The following WDR31 variants were observed in gnomAD, a reference collection of about 807,000 sequenced individuals.
WDR31 encodes WD repeat-containing protein 31.
In WDR31, 30 loss-of-function variants were observed where a neutral mutation model predicts 47.3. That is an observed-to-expected ratio of 0.63 (90% CI 0.47 to 0.86). The LOEUF is 0.86. WDR31 is among the 40% of genes least tolerant of loss of function. The probability of loss-of-function intolerance (pLI) is 0.00; values close to 1 mark genes in which losing one functional copy is unlikely to be tolerated. For missense variants in WDR31, 406 were observed against 442.9 expected (o/e 0.92, Z 0.75); for synonymous variants, 137 against 159.4 (o/e 0.86, Z 1.06).
At chr9:113,326,497 C>T (rs1176464080) in intron 5 of WDR31, among the ~76,000 whole-genome samples, 2 of 151,604 alleles carry the variant, frequency 1.3e-5, no homozygotes, top group African/African-American at 2.4e-5. Context: ...GACTGGGTCT[C>T]GCTATGTCAC....
chr9:113,323,172 C>A lies in WDR31; in HGVS notation c.325-17G>T, dbSNP rs779761539. The A allele has an allele frequency of 6.8e-6, 11 of 1,609,576 alleles. No homozygotes were observed. In the Admixed American group the frequency reaches 1.5e-4, roughly 22 times the overall value. On this transcript the variant is annotated splice_polypyrimidine_tract_variant and intron_variant, in intron 5 of 10. Transcript: ENST00000374193. ...ACAGGCTACCTGCTCAGGGAAAAAA[C>A]AACAACACTGAAATAGCTCTGGTAT...
At chr9:113,326,380 CTCTT>C (rs150558954) in intron 5 of WDR31, among the ~76,000 whole-genome samples, 4 of 151,786 alleles carry the variant, frequency 2.6e-5, no homozygotes, top group East Asian at 1.9e-4. Flanking sequence ...TTCTTTCTTT[CTCTT>C]TCTTTTCTTT....
At chr9:113,335,605 T>C (rs1338585310) in intron 2 of WDR31, among the ~76,000 whole-genome samples, 1 of 150,848 alleles carries the variant, frequency 6.6e-6, no homozygotes, top group East Asian at 1.9e-4. Flanking sequence ...AAAAATGGAG[T>C]TTTCCAGAAG....
At chr9:113,338,775 C>G (rs956582256) in intron 1 of WDR31, among the ~76,000 whole-genome samples, 1 of 152,066 alleles carries the variant, frequency 6.6e-6, no homozygotes, top group African/African-American at 2.4e-5. Context: ...CCTGCCACCA[C>G]GCCCAGCTAA....
intron 5 of WDR31, among the ~76,000 whole-genome samples, chr9:113,327,419 G>GCACACACACACACA (rs35798479): frequency 6.7e-6 from 1 of 148,842 alleles, no homozygotes; most frequent in Non-Finnish European, 1.5e-5. Context: ...AGTGTTACAT[G>GCACACACACACACA]CACACACACA....
chr9:113,320,514 G>T lies in WDR31; in HGVS notation c.639-16C>A, dbSNP rs1474221125. On this transcript the variant is annotated splice_polypyrimidine_tract_variant and intron_variant, in intron 8 of 10. Coordinates refer to ENST00000374193, the MANE Select transcript of WDR31 (RefSeq NM_001012361.4). Reference sequence around the variant, plus strand: ...GTCCCATAATCTGAAAGAGATTAGGGCAGGAAATTAGCTTGTAGTAAATGT... The same window carrying T: ...GTCCCATAATCTGAAAGAGATTAGGTCAGGAAATTAGCTTGTAGTAAATGT... 2 of 1,610,906 alleles carry T rather than the reference G, an allele frequency of 1.2e-6. No homozygotes were observed. Among genetic ancestry groups the T allele is most frequent in the East Asian group, 2.2e-5 (1 of 44,832 alleles).
intron 1 of WDR31, among the ~76,000 whole-genome samples, chr9:113,338,184 G>A (rs1423672948): frequency 6.6e-6 from 1 of 152,174 alleles, no homozygotes; most frequent in Non-Finnish European, 1.5e-5. Context: ...TGTTAATACT[G>A]TTCATAATGC....
chr9:113,321,574 G>A lies in WDR31; in HGVS notation c.575C>T (p.Thr192Ile). The change falls in exon 8 of 11, where the codon ACT becomes ATT. Residue 192 changes from threonine (T) to isoleucine (I), a missense_variant. Transcript: ENST00000374193. ...ERASVSRNVV[T>I]HLCWVPREPY... ...TTCTCTGGGGACCCAGCACAGGTGA[G>A]TGACCTAGAAAAAGCAAAATGTTCA... 1.2e-6 allele frequency: 2 copies of A among 1,614,112 alleles called. No homozygotes were observed. The highest frequency in any genetic ancestry group is 1.7e-6 in the Non-Finnish European group (2 of 1,179,996).
At chr9:113,336,184 T>C (rs1156235827) in intron 2 of WDR31, 104 bp downstream of exon 2, 2 of 152,230 alleles carry the variant, frequency 1.3e-5, no homozygotes, top group Admixed American at 6.5e-5. Context: ...ATAAATGGAT[T>C]AGCTCTGCTC....
At chr9:113,330,937 T>C (rs1237204805) in intron 4 of WDR31, 47 bp downstream of exon 4, 3 of 1,548,932 alleles carry the variant, frequency 1.9e-6, no homozygotes, top group South Asian at 2.4e-5. Context: ...AATATCTTCC[T>C]TTCCCTGCAA....
rs1833208910 is a variant in WDR31 at position 113,316,674 on chromosome 9, G to T, written c.*75C>A. ...CAGCCCTACATCCCACTCCCCTCAA[G>T]ATAACTGGGAAAGACACAAAGCCAT... On this transcript the variant is annotated 3_prime_UTR_variant, in exon 11 of 11. Coordinates refer to ENST00000374193, the MANE Select transcript of WDR31 (RefSeq NM_001012361.4). The T allele has an allele frequency of 6.5e-7, 1 of 1,531,744 alleles. No homozygotes were observed. The highest frequency in any genetic ancestry group is 8.8e-7 in the Non-Finnish European group (1 of 1,136,652). 94.9% of individuals were successfully genotyped at this position (1,531,744 alleles called of 1,614,324 possible).
intron 1 of WDR31, among the ~76,000 whole-genome samples, chr9:113,336,894 C>A (rs1833725033): frequency 6.6e-6 from 1 of 152,160 alleles, no homozygotes; most frequent in Non-Finnish European, 1.5e-5. Flanking sequence ...GAAAGATCTG[C>A]AGAATAAGGA....
In WDR31 at chr9:113,323,035, C is replaced by T. The variant is rs1833365591; in HGVS notation, c.445G>A (p.Val149Ile). 3 of 1,614,144 alleles carry T rather than the reference C, an allele frequency of 1.9e-6. No homozygotes were observed. The highest frequency in any genetic ancestry group is 1.1e-5 in the South Asian group (1 of 91,076). ...CCTGGACTCACAGCCAATCCGGTGA[C>T]CACCATGGCATGGCCACACAATTGC... is the stretch of plus-strand genomic sequence containing the variant. ...RQQLCGHAMV[V>I]TGLAVSPDSS... Residue 149 changes from valine (V) to isoleucine (I), a missense_variant, in exon 6 of 11, where the codon GTC becomes ATC. Physicochemically the swap from Val to Ile is conservative, Grantham distance 29. Coordinates refer to ENST00000374193, the MANE Select transcript of WDR31 (RefSeq NM_001012361.4).
chr9:113,336,801 T>C (rs1370721379), intron 1 of WDR31, among the ~76,000 whole-genome samples: 1 of 152,222 alleles, frequency 6.6e-6, no homozygotes, highest in Non-Finnish European at 1.5e-5. Context: ...AATCACCATA[T>C]ATAAACCATT....
intron 5 of WDR31, among the ~76,000 whole-genome samples, chr9:113,328,258 T>C (rs1338621488): frequency 6.6e-6 from 1 of 152,228 alleles, no homozygotes; most frequent in Non-Finnish European, 1.5e-5. Context: ...TCTCTATCAG[T>C]CTAGTTCAGA....
chr9:113,317,803 C>T (rs752071360), intron 10 of WDR31, among the ~76,000 whole-genome samples: 1 of 152,216 alleles, frequency 6.6e-6, no homozygotes, highest in Admixed American at 6.5e-5. Context: ...TGCTGGTAAA[C>T]CAGCTTTCTG....
intron 4 of WDR31, among the ~76,000 whole-genome samples, chr9:113,329,192 T>C (rs1196182532): frequency 2.6e-5 from 4 of 152,242 alleles, no homozygotes; most frequent in Non-Finnish European, 5.9e-5. Flanking sequence ...ACCACTGCTC[T>C]AAACTTACTG....
chr9:113,323,572 C>T (rs962365608), intron 5 of WDR31, among the ~76,000 whole-genome samples: 2 of 152,228 alleles, frequency 1.3e-5, no homozygotes, highest in Admixed American at 6.5e-5. Flanking sequence ...CCCACACACA[C>T]TTCTCAAAAG....
rs376373233 is a variant in WDR31 at position 113,318,654 on chromosome 9, T to C, written c.781-17A>G. The C allele has an allele frequency of 4.2e-5, 67 of 1,613,624 alleles. No homozygotes were observed. Among genetic ancestry groups the C allele is most frequent in the Non-Finnish European group, 5.3e-5 (63 of 1,179,676 alleles). On this transcript the variant is annotated splice_polypyrimidine_tract_variant and intron_variant, in intron 9 of 10. Coordinates refer to ENST00000374193, the MANE Select transcript of WDR31 (RefSeq NM_001012361.4). ...GTCCCACAACTGCAAAGTAATGACA[T>C]GGACCAGCTCATAGTCACTTGTCTA...
Sources: allele counts gnomAD v4.1 joint callset (sites outside exome capture counted in the v4.1 genomes callset), GRCh38; gene constraint gnomAD v4.1.1; transcripts MANE v1.5; gene names NCBI Gene and HGNC (gene_info 2026-07-23, HGNC 2026-07-21).